PCDHA8: variants seen among roughly 807,000 people sequenced by gnomAD.
PCDHA8 encodes protocadherin alpha-8.
In PCDHA8, 53 loss-of-function variants were observed where a neutral mutation model predicts 61.8. The observed-to-expected ratio is 0.86, with a 90% CI of 0.69 to 1.08. The LOEUF is 1.08. Ranked by LOEUF, PCDHA8 falls within the 50% of genes least tolerant of loss-of-function variation. The pLI is 0.00. For synonymous variants in PCDHA8, 618 were observed against 556.6 expected (o/e 1.11, Z -1.55); for missense variants, 1,293 against 1,245.0 (o/e 1.04, Z -0.58).
chr5:140,961,196 A>G (rs2095596614), intron 1 of PCDHA8, among the ~76,000 whole-genome samples: 2 of 152,150 alleles, frequency 1.3e-5, no homozygotes, highest in African/African-American at 4.8e-5. Context: ...GACCCTAGTG[A>G]GGTTGGTATT....
chr5:140,951,413 C>T (rs1206149734), intron 1 of PCDHA8, among the ~76,000 whole-genome samples: 1 of 152,028 alleles, frequency 6.6e-6, no homozygotes, highest in African/African-American at 2.4e-5. Context: ...GTTTAATTGG[C>T]TCACAGTTCC....
chr5:140,939,195 C>T (rs1554212604), intron 1 of PCDHA8, among the ~76,000 whole-genome samples: 1 of 152,122 alleles, frequency 6.6e-6, no homozygotes, highest in East Asian at 1.9e-4. Flanking sequence ...GTTCATAAAA[C>T]AGAATGTCAC....
chr5:140,964,380 C>T (rs891362271), intron 1 of PCDHA8, among the ~76,000 whole-genome samples: 9 of 152,120 alleles, frequency 5.9e-5, no homozygotes, highest in Non-Finnish European at 1.3e-4. Context: ...AAGGAGAGTC[C>T]TGGTTTTTCT....
rs1490368496 is a variant in PCDHA8, at chr5:140,848,582, C to T, written c.2394+4867C>T. ...TCGCAATGTGGGTGGTGGGGAGCGG[C>T]CAGCTCCACTACTCCGTCCCGGAGG... is the stretch of plus-strand genomic sequence containing the variant. On this transcript the variant is annotated intron_variant, in intron 1 of 3. Transcript: ENST00000531613. 1.7e-5 allele frequency: 27 copies of T among 1,595,002 alleles called. 2 individuals carry two copies. Among genetic ancestry groups the T allele is most frequent in the African/African-American group, 6.7e-5 (5 of 74,374 alleles).
intron 1 of PCDHA8, among the ~76,000 whole-genome samples, chr5:140,934,036 G>T (rs181745303): frequency 2.9e-4 from 44 of 151,956 alleles, no homozygotes; most frequent in African/African-American, 1.0e-3. Context: ...GTTTATTAAT[G>T]ATATTAGTCT....
chr5:140,888,886 T>TA (rs2062023222), intron 1 of PCDHA8, among the ~76,000 whole-genome samples: 1 of 152,036 alleles, frequency 6.6e-6, no homozygotes, highest in South Asian at 2.1e-4. Flanking sequence ...ATTAAAACAT[T>TA]AGAATTGAGG....
intron 1 of PCDHA8, among the ~76,000 whole-genome samples, chr5:140,971,657 G>A (rs961666289): frequency 1.3e-5 from 2 of 151,992 alleles, no homozygotes; most frequent in African/African-American, 4.8e-5. Flanking sequence ...AAGTAGATGG[G>A]AATTAGAGAG....
chr5:140,913,955 AT>A (rs2076529735), intron 1 of PCDHA8, among the ~76,000 whole-genome samples: 2 of 152,108 alleles, frequency 1.3e-5, no homozygotes, highest in African/African-American at 2.4e-5. Context: ...ATATGATATC[AT>A]TTTTAAAAAA....
At chr5:140,865,937 T>C (rs529378074) in intron 1 of PCDHA8, 1 of 152,212 alleles carries the variant, frequency 6.6e-6, no homozygotes, top group Admixed American at 6.5e-5. Context: ...AGAAACTTCA[T>C]GATTGTCTTC....
chr5:141,001,130 T>C (rs1233424080), intron 3 of PCDHA8, among the ~76,000 whole-genome samples: 1 of 152,036 alleles, frequency 6.6e-6, no homozygotes, highest in African/African-American at 2.4e-5. Context: ...CTTAAACAAA[T>C]GAATCTTCTG....
At chr5:140,992,208 A>G (rs2097499240) in intron 3 of PCDHA8, among the ~76,000 whole-genome samples, 1 of 152,150 alleles carries the variant, frequency 6.6e-6, no homozygotes, top group African/African-American at 2.4e-5. Context: ...AATCAGATAA[A>G]CTACTCTCCC....
intron 1 of PCDHA8, chr5:140,869,000 C>A: frequency 2.0e-6 from 3 of 1,518,418 alleles, no homozygotes; most frequent in Non-Finnish European, 2.6e-6. Flanking sequence ...GTTTAAGGAT[C>A]CTTTGAAACT....
chr5:140,945,597 A>G (rs374286655), intron 1 of PCDHA8, among the ~76,000 whole-genome samples: 11 of 152,170 alleles, frequency 7.2e-5, no homozygotes, highest in Non-Finnish European at 1.2e-4. Context: ...CTTCAAAGCT[A>G]TAATAATCAA....
intron 1 of PCDHA8, among the ~76,000 whole-genome samples, chr5:140,846,109 A>C (rs1780201260): frequency 6.7e-6 from 1 of 149,748 alleles, no homozygotes; most frequent in Non-Finnish European, 1.5e-5. Context: ...TGTGTAGACT[A>C]TCTTACTTTG....
At position 140,841,954 on chromosome 5, in the gene PCDHA8, C is replaced by A. The variant is rs1282125752; in HGVS notation, c.633C>A (p.Phe211Leu). Residue 211 changes from phenylalanine to leucine, a missense_variant, in exon 1 of 4, where the codon TTC (phenylalanine) becomes TTA (leucine). Physicochemically the swap from Phe to Leu is conservative, Grantham distance 22. Transcript: ENST00000531613. ...DREDAPAHHL[F>L]LTATDGGKPE... The stretch of plus-strand genomic sequence containing the variant: ...AGGACGCTCCTGCGCACCACTTATT[C>A]CTGACAGCCACAGATGGGGGCAAAC... 1 of 1,613,776 alleles carries A rather than the reference C, an allele frequency of 6.2e-7. No individual in the cohort carries two copies. Among genetic ancestry groups the A allele is most frequent in the Non-Finnish European group, 8.5e-7 (1 of 1,179,884 alleles).
chr5:140,989,575 G>A (rs2097349164), intron 3 of PCDHA8, among the ~76,000 whole-genome samples: 3 of 152,210 alleles, frequency 2.0e-5, no homozygotes. Flanking sequence ...GGCAAGCCCT[G>A]TCCTCAGCCT....
chr5:140,943,558 A>T (rs1328715238), intron 1 of PCDHA8, among the ~76,000 whole-genome samples: 1 of 152,194 alleles, frequency 6.6e-6, no homozygotes, highest in Non-Finnish European at 1.5e-5. Flanking sequence ...GTAGACAATA[A>T]TCATTTTAAT....
Position 140,842,669 on chromosome 5 carries a change from G to A in PCDHA8, c.1348G>A (p.Asp450Asn), listed in dbSNP as rs1554139258. 2.5e-6 allele frequency: 4 copies of A among 1,595,384 alleles called. No homozygotes were observed. The highest frequency in any genetic ancestry group is 3.4e-5 in the Admixed American group (2 of 59,244). ...GTCTGTGGAGGTGGCCGACGTGAAC[G>A]ACAATGCTCCGGCGTTCGCGCAGCC... ...SLSVEVADVN[D>N]NAPAFAQPEY... The change falls in exon 1 of 4, where the codon GAC (aspartate) becomes AAC (asparagine). Residue 450 changes from aspartate to asparagine, a missense_variant. Transcript: ENST00000531613.
At chr5:140,964,044 A>G (rs155810) in intron 1 of PCDHA8, among the ~76,000 whole-genome samples, 592 of 152,346 alleles carry the variant, frequency 3.9e-3, no homozygotes, top group Middle Eastern at 0.024. Context: ...AAAGGAATGC[A>G]TAATGGTGTG....
Sources: allele counts gnomAD v4.1 joint callset (sites outside exome capture counted in the v4.1 genomes callset), GRCh38; gene constraint gnomAD v4.1.1; transcripts MANE v1.5; gene names NCBI Gene and HGNC (gene_info 2026-07-23, HGNC 2026-07-21).